AFDN: variants seen among roughly 807,000 people sequenced by gnomAD.
The protein encoded by AFDN is afadin, adherens junction formation factor.
Under a neutral mutation model 216.6 loss-of-function variants are expected in AFDN, and 68 were observed. The observed-to-expected ratio is 0.31, with a 90% CI of 0.26 to 0.38. AFDN has a LOEUF of 0.38. Ranked by LOEUF, AFDN falls within the 10% of genes least tolerant of loss-of-function variation. The pLI is 1.00. For synonymous variants in AFDN, 868 were observed against 853.7 expected (o/e 1.02, Z -0.29); for missense variants, 2,136 against 2,342.0 (o/e 0.91, Z 1.82).
intron 3 of AFDN, among the ~76,000 whole-genome samples, chr6:167,871,365 C>A (rs1784776922): frequency 6.6e-6 from 1 of 152,158 alleles, no homozygotes; most frequent in African/African-American, 2.4e-5. Flanking sequence ...TCAGCAGATG[C>A]TCTTTCATTC....
intron 1 of AFDN, among the ~76,000 whole-genome samples, chr6:167,855,377 T>A (rs1782781405): frequency 6.6e-6 from 1 of 152,206 alleles, no homozygotes; most frequent in Non-Finnish European, 1.5e-5. Flanking sequence ...TTTTAAAAAT[T>A]ATATATCAGA....
rs1364569356 is a variant in AFDN at position 167,870,468 on chromosome 6, T to A, written c.384T>A (p.Leu128=). The A allele has an allele frequency of 1.2e-6, 2 of 1,611,978 alleles. No individual in the cohort carries two copies. The highest frequency in any genetic ancestry group is 1.7e-6 in the Non-Finnish European group (2 of 1,178,910). ...NKDDREGRFV[L]KNENDAIPPK... The stretch of plus-strand genomic sequence containing the variant: ...ATGATCGGGAAGGCAGATTTGTTCT[T>A]AAGAATGAGAATGACGCCATTCCTC... The change falls in exon 3 of 34, where the codon CTT becomes CTA. Residue 128 remains leucine (L), a synonymous_variant. Coordinates refer to ENST00000683244, the MANE Select transcript of AFDN (RefSeq NM_001386888.1).
rs1438610553 is a variant in AFDN, at chr6:167,898,189, T to G, written c.1318-16T>G. 1 of 1,611,274 alleles carries G rather than the reference T, an allele frequency of 6.2e-7. No homozygotes were observed. The highest frequency in any genetic ancestry group is 1.1e-5 in the South Asian group (1 of 90,834). ...ACTTCATGATGGGAGTTTCTTTGGT[T>G]TCCTTCGGTTTCCAGTTGTTTGGCC... On this transcript the variant is annotated splice_polypyrimidine_tract_variant and intron_variant, in intron 10 of 33. Coordinates refer to ENST00000683244, the MANE Select transcript of AFDN (RefSeq NM_001386888.1).
In AFDN at chr6:167,913,433, C is replaced by T. The variant is rs762454362; in HGVS notation, c.2058+10C>T. ...AGACCAGGTTGACCAGGTAGGACATCTGCTGGGAGCTGATCCTAGCTGTGT... is the reference window on the plus strand; with the variant it reads ...AGACCAGGTTGACCAGGTAGGACATTTGCTGGGAGCTGATCCTAGCTGTGT... On this transcript the variant is annotated intron_variant, in intron 16 of 33. Transcript: ENST00000683244. 2.0e-6 allele frequency: 3 copies of T among 1,535,834 alleles called. No homozygotes were observed. The South Asian group carries it at 3.6e-5, about 18-fold the overall frequency.
At chr6:167,942,412 G>C (rs1794804624) in intron 23 of AFDN, among the ~76,000 whole-genome samples, 1 of 152,298 alleles carries the variant, frequency 6.6e-6, no homozygotes, top group African/African-American at 2.4e-5. Context: ...TAATATCTAA[G>C]TAAGATTTCA....
At chr6:167,888,329 A>G (rs1287803727) in intron 6 of AFDN, among the ~76,000 whole-genome samples, 1 of 152,196 alleles carries the variant, frequency 6.6e-6, no homozygotes, top group African/African-American at 2.4e-5. Flanking sequence ...GAGCATGAGG[A>G]TACATTTGGG....
intron 6 of AFDN, among the ~76,000 whole-genome samples, chr6:167,883,292 A>G (rs1027411562): frequency 6.6e-6 from 1 of 152,222 alleles, no homozygotes; most frequent in Non-Finnish European, 1.5e-5. Flanking sequence ...GTTTAGAAAT[A>G]TGGTGGTAAA....
chr6:167,902,172 C>G, intron 11 of AFDN, 145 bp from the exon 12 acceptor site: 9 of 458,474 alleles, frequency 2.0e-5, no homozygotes, highest in East Asian at 8.7e-5. Flanking sequence ...TTTTTTAATT[C>G]TGTAAGTTCG....
chr6:167,859,455 G>T (rs936736800), intron 1 of AFDN, among the ~76,000 whole-genome samples: 4 of 152,220 alleles, frequency 2.6e-5, no homozygotes, highest in Non-Finnish European at 4.4e-5. Flanking sequence ...CCTCCATGGG[G>T]AGTAGGAATT....
chr6:167,915,717 T>C (rs112983422), intron 19 of AFDN, among the ~76,000 whole-genome samples: 5,895 of 152,278 alleles, frequency 0.039, 129 homozygotes, highest in African/African-American at 0.054. Flanking sequence ...AAATTCAGAG[T>C]TAGAAATGGT....
intron 3 of AFDN, 54 bp from the exon 4 acceptor site, chr6:167,872,160 A>G: frequency 1.9e-6 from 3 of 1,544,820 alleles, no homozygotes; most frequent in Non-Finnish European, 1.7e-6. Context: ...GCCGTAGGCA[A>G]TTTTATGTGA....
chr6:167,971,487 T>C lies in AFDN; in HGVS notation c.*1552T>C. On this transcript the variant is annotated 3_prime_UTR_variant, in exon 34 of 34. Coordinates refer to ENST00000683244, the MANE Select transcript of AFDN (RefSeq NM_001386888.1). The stretch of plus-strand genomic sequence containing the variant: ...AAAGTGTGCTCTTACCATTTCCTTG[T>C]TTGAGTAAGAGAGTGAATGGTTCTG... 5.1e-6 allele frequency: 1 copy of C among 194,822 alleles called. No individual in the cohort carries two copies. The highest frequency in any genetic ancestry group is 1.1e-5 in the Non-Finnish European group (1 of 93,874). The allele number at this position is 194,822 out of a possible 1,614,324, so 12.1% of individuals were successfully genotyped here. A position where few individuals can be genotyped will look rare whatever the true frequency, so the allele number is the denominator to read the frequency against.
intron 22 of AFDN, among the ~76,000 whole-genome samples, chr6:167,923,731 C>T (rs1195929906): frequency 6.8e-6 from 1 of 147,204 alleles, no homozygotes; most frequent in East Asian, 2.1e-4. Flanking sequence ...TCAAGCGATT[C>T]TCCTGCCTCA....
At chr6:167,865,934 G>T (rs141572134) in intron 2 of AFDN, among the ~76,000 whole-genome samples, 3,004 of 150,938 alleles carry the variant, frequency 0.02, 56 homozygotes, top group Non-Finnish European at 0.033. Flanking sequence ...GCCATTTTTT[G>T]TTGTTGTTGT....
intron 23 of AFDN, among the ~76,000 whole-genome samples, chr6:167,934,420 C>T (rs113340481): frequency 1.3e-4 from 20 of 152,266 alleles, no homozygotes; most frequent in Non-Finnish European, 2.2e-4. Context: ...TAAGGTAATT[C>T]CTACCCAAGA....
chr6:167,897,866 G>A (rs1028260179), intron 10 of AFDN, among the ~76,000 whole-genome samples: 2 of 151,752 alleles, frequency 1.3e-5, no homozygotes. Flanking sequence ...GGATAGTCTC[G>A]ATCTCCTGAC....
In AFDN at chr6:167,914,259, G is replaced by A. The variant is rs149079362; in HGVS notation, c.2150G>A (p.Arg717Gln). The change falls in exon 17 of 34, where the codon CGG becomes CAG. Residue 717 changes from arginine (R) to glutamine (Q), a missense_variant. Coordinates refer to ENST00000683244, the MANE Select transcript of AFDN (RefSeq NM_001386888.1). ...NFIKQDRDLS[R>Q]ITLDAQDVLA... ...ATTAAGCAAGACCGAGACCTTAGTC[G>A]GATCACACTGGATGCTCAAGATGTT... The A allele has an allele frequency of 6.0e-4, 971 of 1,614,052 alleles. 1 individual carries two copies. The highest frequency in any genetic ancestry group is 3.1e-3 in the Middle Eastern group (19 of 6,062).
chr6:167,851,109 ATAGTGCCATTC>A (rs1562551113), intron 1 of AFDN, among the ~76,000 whole-genome samples: 1 of 152,154 alleles, frequency 6.6e-6, no homozygotes, highest in Admixed American at 6.5e-5. Context: ...TGAAATATGT[ATAGTGCCATTC>A]TATTTTTTCT....
intron 30 of AFDN, among the ~76,000 whole-genome samples, chr6:167,958,989 G>C (rs1000147441): frequency 2.0e-5 from 3 of 152,216 alleles, no homozygotes; most frequent in Admixed American, 2.0e-4. Flanking sequence ...TTTACTCAAG[G>C]AATTAGGAGA....
Sources: allele counts gnomAD v4.1 joint callset (sites outside exome capture counted in the v4.1 genomes callset), GRCh38; gene constraint gnomAD v4.1.1; transcripts MANE v1.5; gene names NCBI Gene and HGNC (gene_info 2026-07-23, HGNC 2026-07-21).